The following EBF4 variants were observed in gnomAD, a reference collection of about 807,000 sequenced individuals.
EBF4 encodes the protein EBF transcription factor 4.
EBF4 carries 34 observed loss-of-function variants against 67.1 expected under a neutral mutation model. That is an observed-to-expected ratio of 0.51 (90% CI 0.39 to 0.67). EBF4 has a LOEUF of 0.67. Ranked by LOEUF, EBF4 falls within the 30% of genes least tolerant of loss-of-function variation. EBF4 has a pLI of 0.00. For missense variants in EBF4, 837 were observed against 873.3 expected (o/e 0.96, Z 0.52); for synonymous variants, 387 against 377.7 (o/e 1.02, Z -0.29).
At chr20:2,749,281 C>A in intron 7 of EBF4, 120 bp from the exon 8 acceptor site, 1 of 724,432 alleles carries the variant, frequency 1.4e-6, no homozygotes, top group Non-Finnish European at 2.2e-6. Context: ...CTCCTCCTCC[C>A]ACCAGTGACC....
rs770288492 is a variant in EBF4 at position 2,755,889 on chromosome 20, AG to A, written c.1738+69del. On this transcript the variant is annotated intron_variant, in intron 15 of 16. Transcript: ENST00000609451. This position sits in a 1 kb window ranked among gnomAD's most constrained non-coding sequence, Gnocchi z 4.7. ...GGCCCTTGTGGAGCAGCTGGGCTACAGGGGCCTGCTCTGTCCACATCTCACC... is the reference window on the plus strand; with the variant it reads ...GGCCCTTGTGGAGCAGCTGGGCTACAGGGCCTGCTCTGTCCACATCTCACC... The A allele has an allele frequency of 7.6e-6, 11 of 1,448,730 alleles. No individual in the cohort carries two copies. The highest frequency in any genetic ancestry group is 4.9e-5 in the East Asian group (2 of 40,494). The allele number at this position is 1,448,730 out of a possible 1,614,324, so 89.7% of individuals were successfully genotyped here.
At chr20:2,740,607 C>CT (rs1448429053) in intron 6 of EBF4, among the ~76,000 whole-genome samples, 8 of 152,140 alleles carry the variant, frequency 5.3e-5, no homozygotes, top group Non-Finnish European at 1.0e-4. Context: ...GAAGAAAAAG[C>CT]TGGTGAAAAG....
chr20:2,752,120 A>T, exon 13 of EBF4: 1 of 1,468,174 alleles, frequency 6.8e-7, no homozygotes, highest in Non-Finnish European at 8.9e-7. Context: ...GACGTGGCCG[A>T]GGCTCTGTAC....
chr20:2,695,273 T>C (rs2087272224), intron 1 of EBF4, among the ~76,000 whole-genome samples: 1 of 152,132 alleles, frequency 6.6e-6, no homozygotes, highest in African/African-American at 2.4e-5. Context: ...CTCTGCAACC[T>C]TTCCCTCTGT....
rs939802319 is a variant in EBF4, at chr20:2,756,221, A to T, written c.1738+397A>T. 1.3e-5 allele frequency among the ~76,000 whole-genome samples: 2 copies of T among 152,294 alleles called. No homozygotes were observed. The highest frequency in any genetic ancestry group is 1.5e-5 in the Non-Finnish European group (1 of 68,012). The stretch of plus-strand genomic sequence containing the variant: ...TGTCCACCAGAGGGTAGCACACACC[A>T]CTGTGAGGGACTGGGTCGCTGACCA... On this transcript the variant is annotated intron_variant, in intron 15 of 16. Coordinates refer to ENST00000609451, the Ensembl canonical transcript of EBF4. The surrounding 1 kb of genome is among the most constrained non-coding windows in gnomAD (Gnocchi z 4.5).
At position 2,755,695 on chromosome 20, in the gene EBF4, A is replaced by G. The variant is rs1407993268; in HGVS notation, c.1609A>G (p.Ser537Gly). Residue 537 changes from serine to glycine, a missense_variant, in exon 15 of 17, where the codon AGC (serine) becomes GGC (glycine). Around this residue, in one of 3 missense-constraint regions of EBF4, gnomAD observed 525 missense variants for 496.5 expected, o/e 1.06. Transcript: ENST00000609451. This position sits in a 1 kb window ranked among gnomAD's most constrained non-coding sequence, Gnocchi z 4.7. ...CCTCCCGGCCGCTGCCCCCACCACC[A>G]GCGTGTTCTCCTTCTCGCCTGTCAA... 1.4e-6 allele frequency: 2 copies of G among 1,410,676 alleles called. No individual in the cohort carries two copies. 87.4% of individuals were successfully genotyped at this position (1,410,676 alleles called of 1,614,324 possible).
chr20:2,757,032 T>C lies in EBF4; in HGVS notation c.1738+1208T>C, dbSNP rs1353812615. ...TTCCTCAGCCTGATGTAGGGGCTGA[T>C]CAGGCTGGGATGCCTATCACAAGAG... On this transcript the variant is annotated intron_variant, in intron 15 of 16. Transcript: ENST00000609451. Among the ~76,000 whole-genome samples the C allele has an allele frequency of 3.9e-5, 6 of 152,304 alleles. 1 individual carries two copies. The South Asian group carries it at 1.2e-3, about 32-fold the overall frequency.
rs749744037 is a variant in EBF4 at position 2,707,966 on chromosome 20, A to T, written c.434A>T (p.Gln145Leu). 1.1e-5 allele frequency: 17 copies of T among 1,605,888 alleles called. No individual in the cohort carries two copies. Among genetic ancestry groups the T allele is most frequent in the Non-Finnish European group, 1.3e-5 (15 of 1,175,762 alleles). The change falls in exon 5 of 17, where the codon CAG (glutamine) becomes CTG (leucine). Residue 145 changes from glutamine (Q) to leucine (L), a missense_variant. Physicochemically the swap from Gln to Leu is moderately radical, Grantham distance 113. Coordinates refer to ENST00000609451, the Ensembl canonical transcript of EBF4. The surrounding 1 kb of genome is among the most constrained non-coding windows in gnomAD (Gnocchi z 4.6). The stretch of plus-strand genomic sequence containing the variant: ...CCCCAGGCCATCATCTATGAGGGGC[A>T]GGACAAGAACCCCGAAATGTGCCGA...
At chr20:2,757,021 G>A (rs986913611) in intron 15 of EBF4, among the ~76,000 whole-genome samples, 1 of 152,238 alleles carries the variant, frequency 6.6e-6, no homozygotes, top group African/African-American at 2.4e-5. Flanking sequence ...TCAGCCTGAT[G>A]TAGGGGCTGA....
At chr20:2,718,872 T>G (rs967939224) in intron 6 of EBF4, among the ~76,000 whole-genome samples, 2 of 152,246 alleles carry the variant, frequency 1.3e-5, no homozygotes, top group Non-Finnish European at 2.9e-5. Flanking sequence ...AGTTATTGGC[T>G]TAAAATCTTT....
intron 6 of EBF4, among the ~76,000 whole-genome samples, chr20:2,710,248 C>T (rs1224630879): frequency 3.3e-5 from 5 of 152,154 alleles, no homozygotes; most frequent in East Asian, 1.9e-4. Context: ...TCCGAGGTTC[C>T]GGTGATCCTC....
At chr20:2,754,833 A>AG (rs1374576381) in intron 14 of EBF4, among the ~76,000 whole-genome samples, 2 of 152,112 alleles carry the variant, frequency 1.3e-5, no homozygotes, top group African/African-American at 4.8e-5. Flanking sequence ...TGTGTGCAGG[A>AG]GGCTCCCTTG....
intron 1 of EBF4, among the ~76,000 whole-genome samples, chr20:2,701,202 C>T (rs1015239742): frequency 3.9e-5 from 6 of 152,336 alleles, no homozygotes; most frequent in East Asian, 1.9e-4. Context: ...CCCACTGAGC[C>T]GTGCTGGGGA....
rs1330747594 is a variant in EBF4 at position 2,696,048 on chromosome 20, AC to A, written c.137+2268del. Among the ~76,000 whole-genome samples the A allele has an allele frequency of 6.6e-6, 1 of 152,130 alleles. No individual in the cohort carries two copies. The highest frequency in any genetic ancestry group is 1.5e-5 in the Non-Finnish European group (1 of 68,012). ...GAAGGTTAACTGCACCCTGGTTACC[AC>A]CTCAGCCTCCTGGCCCAGTGCCTAG... On this transcript the variant is annotated intron_variant, in intron 1 of 16. Transcript: ENST00000609451. This position sits in a 1 kb window ranked among gnomAD's most constrained non-coding sequence, Gnocchi z 4.7.
chr20:2,755,678 C>G lies in EBF4; in HGVS notation c.1592C>G (p.Ala531Gly). The change falls in exon 15 of 17, where the codon GCC (alanine) becomes GGC (glycine). Residue 531 changes from alanine to glycine, a missense_variant. Coordinates refer to ENST00000609451, the Ensembl canonical transcript of EBF4. This position sits in a 1 kb window ranked among gnomAD's most constrained non-coding sequence, Gnocchi z 4.7. ...GCTGCCTCCTCCATGTCCCTCCCGG[C>G]CGCTGCCCCCACCACCAGCGTGTTC... 1.9e-6 allele frequency: 3 copies of G among 1,549,842 alleles called. No homozygotes were observed. Among genetic ancestry groups the G allele is most frequent in the Non-Finnish European group, 2.6e-6 (3 of 1,146,530 alleles).
At chr20:2,742,233 A>G (rs980703261) in intron 6 of EBF4, among the ~76,000 whole-genome samples, 1 of 152,162 alleles carries the variant, frequency 6.6e-6, no homozygotes, top group African/African-American at 2.4e-5. Context: ...CACAGTCAAT[A>G]GCTTAGCCTT....
Position 2,730,055 on chromosome 20 carries a change from ACCCCTGGCATTTCCAGGTG to A in EBF4, c.558-18490_558-18472del, listed in dbSNP as rs2087793813. Among the ~76,000 whole-genome samples the A allele has an allele frequency of 2.0e-5, 3 of 152,156 alleles. No homozygotes were observed. In the South Asian group the frequency reaches 6.2e-4, roughly 32 times the overall value. ...CCAGCCCTATGGTGAGGGAATAACC[ACCCCTGGCATTTCCAGGTG>A]CCCTGTGGCTGAGGGCACTTTGCAG... On this transcript the variant is annotated intron_variant, in intron 6 of 16. Transcript: ENST00000609451.
intron 6 of EBF4, among the ~76,000 whole-genome samples, chr20:2,744,492 C>CTTTTTT (rs35298353): frequency 9.7e-4 from 112 of 115,860 alleles, no homozygotes; most frequent in African/African-American, 1.6e-3. Flanking sequence ...TTTTTCTTTT[C>CTTTTTT]TTTTTTTTTT....
chr20:2,747,099 C>T lies in EBF4; in HGVS notation c.558-1450C>T, dbSNP rs774110363. ...CCTGAGGTCAGGAATCGAGACCAGCCTGGCCAACATGGCAAAACACCGTCT... is the reference window on the plus strand; with the variant it reads ...CCTGAGGTCAGGAATCGAGACCAGCTTGGCCAACATGGCAAAACACCGTCT... On this transcript the variant is annotated intron_variant, in intron 6 of 16. Coordinates refer to ENST00000609451, the Ensembl canonical transcript of EBF4. This position sits in a 1 kb window ranked among gnomAD's most constrained non-coding sequence, Gnocchi z 4.6. 3.9e-5 allele frequency among the ~76,000 whole-genome samples: 6 copies of T among 152,170 alleles called. No homozygotes were observed. The highest frequency in any genetic ancestry group is 7.3e-5 in the Non-Finnish European group (5 of 68,032).
Sources: gnomAD v4.1 joint callset for allele counts (sites outside exome capture counted in the v4.1 genomes callset) on GRCh38, gnomAD v4.1.1 for gene constraint, gnomAD v4.1.1 regional missense constraint, Gnocchi (gnomAD v3.1) non-coding constraint, MANE v1.5 for transcripts, NCBI Gene and HGNC (gene_info 2026-07-23, HGNC 2026-07-21) for gene names.